Variants in USH1C observed in about 807,000 individuals in gnomAD.
The protein encoded by USH1C is harmonin.
A neutral mutation model predicts 119.3 loss-of-function variants in USH1C; 90 were observed. The observed-to-expected ratio is 0.75, with a 90% confidence interval of 0.64 to 0.90. The LOEUF (loss-of-function observed/expected upper bound fraction) is 0.90. Among genes scored for constraint, USH1C ranks in the 40% least tolerant of loss-of-function variants. The pLI, the probability that USH1C is intolerant of heterozygous loss-of-function variation, is 0.00. For synonymous variants in USH1C, 465 were observed against 443.3 expected, an observed-to-expected ratio of 1.05 and a Z score of -0.62; for missense variants, 1,165 against 1,167.7, an observed-to-expected ratio of 1.00 and a Z score of 0.03.
In USH1C at chr11:17,502,593, C is replaced by A. The variant is rs368042935; in HGVS notation, c.2185-613G>T. ...TTACCTAGAAGGTAAGAGGCCTCCC[C>A]AGATTCTGCGGAGCGCAGGTTGGCC... is the stretch of plus-strand genomic sequence containing the variant. On this transcript the variant is annotated intron_variant, in intron 20 of 26. Transcript: ENST00000005226. 4.7e-4 allele frequency among the ~76,000 whole-genome samples: 72 copies of A among 152,352 alleles called. 3 individuals are homozygous for A. In the South Asian group the frequency reaches 0.015, roughly 32 times the overall value.
rs573328148 is a variant in USH1C, at chr11:17,521,324, C to T, written c.1085+22G>A. ...GCACACTGATGTTCATGCACAGACACGCGTGGAGCCGAGGTACTCACTGTT... is the reference window on the plus strand; with the variant it reads ...GCACACTGATGTTCATGCACAGACATGCGTGGAGCCGAGGTACTCACTGTT... On this transcript the variant is annotated intron_variant, in intron 13 of 26. Coordinates refer to ENST00000005226, the MANE Select transcript of USH1C (RefSeq NM_153676.4). 1.3e-5 allele frequency: 21 copies of T among 1,613,382 alleles called. No homozygotes were observed. In the East Asian group the frequency reaches 2.0e-4, roughly 15 times the overall value.
intron 25 of USH1C, among the ~76,000 whole-genome samples, chr11:17,496,143 A>AG: frequency 6.6e-6 from 1 of 151,450 alleles, no homozygotes. Flanking sequence ...AAGGGGAAGG[A>AG]GGGGGGCAGA....
intron 1 of USH1C, among the ~76,000 whole-genome samples, chr11:17,543,785 G>A (rs1407488744): frequency 6.6e-6 from 1 of 152,240 alleles, no homozygotes; most frequent in Non-Finnish European, 1.5e-5. Flanking sequence ...CCTTAGGCAG[G>A]CAGGGCTGAA....
At chr11:17,513,217 C>T (rs899406570) in intron 15 of USH1C, among the ~76,000 whole-genome samples, 4 of 152,132 alleles carry the variant, frequency 2.6e-5, no homozygotes, top group Admixed American at 1.3e-4. Context: ...GAGGGAGGGT[C>T]AGCCCCTATC....
chr11:17,501,883 C>G (rs1849460586), intron 21 of USH1C, 56 bp downstream of exon 21: 5 of 1,594,586 alleles, frequency 3.1e-6, no homozygotes, highest in Admixed American at 1.7e-5. Context: ...CCCTCTAACC[C>G]CCACACTGCC....
chr11:17,539,788 G>GTC (rs959293304), intron 1 of USH1C, among the ~76,000 whole-genome samples: 2 of 149,228 alleles, frequency 1.3e-5, no homozygotes, highest in African/African-American at 2.5e-5. Flanking sequence ...CTCTGTCTCT[G>GTC]TCTCTCTCTC....
chr11:17,527,568 AG>A (rs1199381798), intron 4 of USH1C, among the ~76,000 whole-genome samples: 2 of 152,136 alleles, frequency 1.3e-5, no homozygotes, highest in African/African-American at 4.8e-5. Flanking sequence ...AAACCAAGAC[AG>A]GGGTGAGGGG....
chr11:17,531,253 T>C lies in USH1C; in HGVS notation c.288A>G (p.Glu96=). Residue 96 remains glutamate (E), a synonymous_variant, in exon 4 of 27, where the codon GAA becomes GAG. Transcript: ENST00000005226. The surrounding 1 kb of genome is among the most constrained non-coding windows in gnomAD (Gnocchi z 4.2). The part of the protein sequence containing the change: ...KEVRLDRLHP[E]GLGLSVRGGL... The stretch of plus-strand genomic sequence containing the variant: ...CACCACGCACACTCAGGCCGAGGCC[T>C]TCGGGGTGCAGACGGTCCAGACGCA... 1.2e-6 allele frequency: 2 copies of C among 1,614,124 alleles called. No homozygotes were observed. Among genetic ancestry groups the C allele is most frequent in the Non-Finnish European group, 1.7e-6 (2 of 1,180,042 alleles).
intron 1 of USH1C, 41 bp from the exon 2 acceptor site, chr11:17,533,363 A>ATC (rs544692777): frequency 3.6e-6 from 5 of 1,373,446 alleles, no homozygotes; most frequent in African/African-American, 1.5e-5. Context: ...CAGGCTCAGC[A>ATC]CCCGCCCCCA....
At position 17,531,362 on chromosome 11, in the gene USH1C, C is replaced by T; in HGVS notation, c.248+37G>A. 6.2e-7 allele frequency: 1 copy of T among 1,613,702 alleles called. No homozygotes were observed. Among genetic ancestry groups the T allele is most frequent in the Non-Finnish European group, 8.5e-7 (1 of 1,179,826 alleles). On this transcript the variant is annotated intron_variant, in intron 3 of 26. Transcript: ENST00000005226. This position sits in a 1 kb window ranked among gnomAD's most constrained non-coding sequence, Gnocchi z 4.2. Reference sequence around the variant, plus strand: ...CACTGCCCCGCCCAGGGTGATCTCTCCACCCCCTGCCTCCAGCCTGGTGGC... The same window carrying T: ...CACTGCCCCGCCCAGGGTGATCTCTTCACCCCCTGCCTCCAGCCTGGTGGC...
At chr11:17,520,562 C>T (rs1850363889) in intron 14 of USH1C, among the ~76,000 whole-genome samples, 1 of 152,190 alleles carries the variant, frequency 6.6e-6, no homozygotes, top group Non-Finnish European at 1.5e-5. Flanking sequence ...GACGGTAATC[C>T]CATGAGCTAA....
chr11:17,494,199 G>T lies in USH1C; in HGVS notation c.*133C>A. The T allele has an allele frequency of 8.4e-7, 1 of 1,184,684 alleles. No homozygotes were observed. The highest frequency in any genetic ancestry group is 1.2e-6 in the Non-Finnish European group (1 of 815,432). 73.4% of individuals were successfully genotyped at this position (1,184,684 alleles called of 1,614,324 possible). A position where few individuals can be genotyped will look rare whatever the true frequency, so the allele number is the denominator to read the frequency against. ...GTTCCTTATCTGGCCCTGGTTCAGGGCCAAAGGGAGTTTGAGATTCCTGGG... is the reference window on the plus strand; with the variant it reads ...GTTCCTTATCTGGCCCTGGTTCAGGTCCAAAGGGAGTTTGAGATTCCTGGG... On this transcript the variant is annotated 3_prime_UTR_variant, in exon 27 of 27. Coordinates refer to ENST00000005226, the MANE Select transcript of USH1C (RefSeq NM_153676.4).
intron 1 of USH1C, chr11:17,533,595 C>T (rs915461206): frequency 8.5e-6 from 5 of 587,052 alleles, no homozygotes; most frequent in Admixed American, 2.3e-5. Context: ...TGTGCACACA[C>T]GGGGATGAAC....
intron 2 of USH1C, 26 bp downstream of exon 2, chr11:17,533,229 A>C: frequency 1.9e-6 from 3 of 1,605,106 alleles, no homozygotes; most frequent in Non-Finnish European, 2.6e-6. Context: ...CAAGTGGCCC[A>C]CAAGAGCTGG....
intron 26 of USH1C, among the ~76,000 whole-genome samples, chr11:17,495,355 A>G (rs1444406355): frequency 6.6e-6 from 1 of 152,188 alleles, no homozygotes. Context: ...AGCAAGTACT[A>G]CAGACTGGGC....
intron 4 of USH1C, among the ~76,000 whole-genome samples, chr11:17,527,905 ACT>A (rs1175353733): frequency 1.3e-5 from 2 of 152,046 alleles, no homozygotes; most frequent in Non-Finnish European, 2.9e-5. Context: ...GAACATTTTA[ACT>A]CTGCTGTGGC....
At chr11:17,512,119 G>GGGCAT (rs1849919998) in intron 15 of USH1C, 65 bp from the exon 16 acceptor site, 1 of 1,563,312 alleles carries the variant, frequency 6.4e-7, no homozygotes, top group African/African-American at 1.4e-5. Flanking sequence ...ACAGCACACG[G>GGGCAT]GGCATCCAGT....
intron 1 of USH1C, among the ~76,000 whole-genome samples, chr11:17,541,311 G>C (rs1218264121): frequency 6.6e-6 from 1 of 152,164 alleles, no homozygotes; most frequent in Non-Finnish European, 1.5e-5. Context: ...AAGACAGCAA[G>C]GGCTTTATTT....
intron 1 of USH1C, among the ~76,000 whole-genome samples, chr11:17,543,419 C>G (rs965643788): frequency 2.0e-5 from 3 of 152,136 alleles, no homozygotes; most frequent in Non-Finnish European, 4.4e-5. Flanking sequence ...ACCACCCACC[C>G]CCCCCAAGCG....
Sources: gnomAD v4.1 joint callset for allele counts (sites outside exome capture counted in the v4.1 genomes callset) on GRCh38, gnomAD v4.1.1 for gene constraint, Gnocchi (gnomAD v3.1) non-coding constraint, MANE v1.5 for transcripts, NCBI Gene and HGNC (gene_info 2026-07-23, HGNC 2026-07-21) for gene names.